Variants in PPP2R5B observed in about 807,000 individuals in gnomAD.
PPP2R5B encodes the protein protein phosphatase 2 regulatory subunit B'beta.
Under a neutral mutation model 59.9 loss-of-function variants are expected in PPP2R5B, and 19 were observed. The observed-to-expected ratio is 0.32, with a 90% CI of 0.22 to 0.47. The LOEUF is 0.47. PPP2R5B is among the 20% of genes least tolerant of loss of function. The pLI, the probability that PPP2R5B is intolerant of heterozygous loss-of-function variation, is 1.00. For synonymous variants in PPP2R5B, 286 were observed against 260.5 expected (o/e 1.10, Z -0.94); for missense variants, 441 against 640.2 (o/e 0.69, Z 3.36).
chr11:64,925,977 GA>G lies in PPP2R5B; in HGVS notation c.199+45del. On this transcript the variant is annotated intron_variant, in intron 2 of 13. Coordinates refer to ENST00000164133, the MANE Select transcript of PPP2R5B (RefSeq NM_006244.4). The surrounding 1 kb of genome is among the most constrained non-coding windows in gnomAD (Gnocchi z 4.6). ...ACTGGGGGAACCGAACCCCCGAGGG[GA>G]CCAGCAGGGCCATGGGGAGGGGTGG... The G allele has an allele frequency of 1.3e-6, 2 of 1,572,396 alleles. No homozygotes were observed. The highest frequency in any genetic ancestry group is 2.3e-5 in the South Asian group (2 of 87,774).
rs1189088677 is a variant in PPP2R5B at position 64,930,303 on chromosome 11, C to T, written c.723-19C>T. The T allele has an allele frequency of 6.2e-7, 1 of 1,613,834 alleles. No homozygotes were observed. The highest frequency in any genetic ancestry group is 1.1e-5 in the South Asian group (1 of 91,078). Reference sequence around the variant, plus strand: ...CCTACCCTGCTTGCTTTGAGCCCACCTGCGTTCTTCTCTTGCAGGTTCATC... The same window carrying T: ...CCTACCCTGCTTGCTTTGAGCCCACTTGCGTTCTTCTCTTGCAGGTTCATC... On this transcript the variant is annotated intron_variant, in intron 6 of 13. Coordinates refer to ENST00000164133, the MANE Select transcript of PPP2R5B (RefSeq NM_006244.4).
upstream of PPP2R5B, among the ~76,000 whole-genome samples, chr11:64,922,569 A>G (rs952653106): frequency 6.6e-6 from 1 of 151,906 alleles, no homozygotes. Context: ...TTCAAATGCC[A>G]CCACTTCAGA....
At chr11:64,922,190 A>AT (rs1565095522), upstream of PPP2R5B, among the ~76,000 whole-genome samples, 1,811 of 98,492 alleles carry the variant, frequency 0.018, 35 homozygotes, top group African/African-American at 0.054. Context: ...AAAAAAATAA[A>AT]AAAATAAAAT....
intron 3 of PPP2R5B, 149 bp from the exon 4 acceptor site, chr11:64,927,653 G>T: frequency 1.6e-6 from 1 of 637,108 alleles, no homozygotes; most frequent in Non-Finnish European, 2.7e-6. Context: ...GTTGCAGTGA[G>T]TCGAGATTGT....
rs1945213395 is a variant in PPP2R5B at position 64,930,210 on chromosome 11, G to C, written c.723-112G>C. 4 of 1,208,426 alleles carry C rather than the reference G, an allele frequency of 3.3e-6. No individual in the cohort carries two copies. The South Asian group carries it at 3.7e-5, about 11-fold the overall frequency. The allele number at this position is 1,208,426 out of a possible 1,614,324, so 74.9% of individuals were successfully genotyped here. ...GGAAGGGAGCGCAGCCTCTGGGTTG[G>C]GGGAGAGTTGGATGAGCGTGCCGTG... On this transcript the variant is annotated intron_variant, in intron 6 of 13. Transcript: ENST00000164133.
At chr11:64,932,285 C>A (rs1269674271) in intron 11 of PPP2R5B, among the ~76,000 whole-genome samples, 1 of 152,144 alleles carries the variant, frequency 6.6e-6, no homozygotes, top group Non-Finnish European at 1.5e-5. Context: ...CCAGGCTTCC[C>A]CGCACCAACC....
At chr11:64,932,960 C>G (rs1945243573) in intron 12 of PPP2R5B, 68 bp downstream of exon 12, 2 of 1,590,390 alleles carry the variant, frequency 1.3e-6, no homozygotes, top group Non-Finnish European at 1.7e-6. Context: ...GACCCGACCC[C>G]AGGGTTACTC....
Position 64,925,909 on chromosome 11 carries a change from C to T in PPP2R5B, c.175C>T (p.Leu59Phe), listed in dbSNP as rs764913889. The T allele has an allele frequency of 1.2e-6, 2 of 1,611,954 alleles. No individual in the cohort carries two copies. The highest frequency in any genetic ancestry group is 2.2e-5 in the East Asian group (1 of 44,880). ...CCGCTATCAGAGCAACCAGCAAGAG[C>T]TCACACCGCTGCCCCTGCTCAAAGG... ...QFRYQSNQQE[L>F]TPLPLLKDVP... Residue 59 changes from leucine to phenylalanine, a missense_variant, in exon 2 of 14, where the codon CTC becomes TTC. Transcript: ENST00000164133. The surrounding 1 kb of genome is among the most constrained non-coding windows in gnomAD (Gnocchi z 4.6).
chr11:64,922,848 C>T (rs1945122500), upstream of PPP2R5B: 1 of 150,946 alleles, frequency 6.6e-6, no homozygotes, highest in African/African-American at 2.4e-5. Flanking sequence ...GCACTCCAGC[C>T]TGGGCAACAG....
chr11:64,930,713 A>G (rs1945220199), intron 8 of PPP2R5B, 124 bp downstream of exon 8: 3 of 825,264 alleles, frequency 3.6e-6, no homozygotes, highest in Non-Finnish European at 1.9e-6. Context: ...ATTCTGTTCC[A>G]TCTACCTTAG....
Position 64,926,922 on chromosome 11 carries a change from AC to A in PPP2R5B, c.396+17del. Reference sequence around the variant, plus strand: ...ATCATCCGCATGGTGAGCACCTGCCACCCAGGCTCCGAGGGCCGGCCGAGAG... The same window carrying A: ...ATCATCCGCATGGTGAGCACCTGCCACCAGGCTCCGAGGGCCGGCCGAGAG... On this transcript the variant is annotated intron_variant, in intron 3 of 13. Transcript: ENST00000164133. The A allele has an allele frequency of 1.2e-6, 2 of 1,611,192 alleles. No homozygotes were observed. The highest frequency in any genetic ancestry group is 1.7e-6 in the Non-Finnish European group (2 of 1,178,310).
chr11:64,924,595 G>A (rs1194234827), upstream of PPP2R5B: 2 of 152,270 alleles, frequency 1.3e-5, no homozygotes, highest in Non-Finnish European at 1.5e-5. Flanking sequence ...TAAACGGCGC[G>A]GGGACTACAT....
upstream of PPP2R5B, among the ~76,000 whole-genome samples, chr11:64,922,409 T>C (rs1216219866): frequency 6.6e-6 from 1 of 151,624 alleles, no homozygotes; most frequent in Non-Finnish European, 1.5e-5. Context: ...TGCTTGGGCC[T>C]GGGAGGTGGA....
intron 13 of PPP2R5B, 121 bp downstream of exon 13, chr11:64,933,367 C>A: frequency 1.2e-6 from 1 of 854,384 alleles, no homozygotes; most frequent in South Asian, 1.5e-5. Flanking sequence ...GCAAGACTGT[C>A]CATGCTCCTG....
intron 6 of PPP2R5B, among the ~76,000 whole-genome samples, chr11:64,928,808 C>T (rs184579017): frequency 1.3e-4 from 20 of 152,200 alleles, no homozygotes; most frequent in African/African-American, 4.1e-4. Flanking sequence ...GGCGTGAACC[C>T]GGGAAGCGGA....
Position 64,931,318 on chromosome 11 carries a change from TA to T in PPP2R5B, c.892-116del. The T allele has an allele frequency of 8.9e-7, 1 of 1,117,394 alleles. No homozygotes were observed. The allele number at this position is 1,117,394 out of a possible 1,614,324, so 69.2% of individuals were successfully genotyped here. ...AGGCAGGTGATAAATGCTTGGTGAA[TA>T]AGAAAGTAACAGGCCGTGGGTGAGC... On this transcript the variant is annotated intron_variant, in intron 8 of 13. Coordinates refer to ENST00000164133, the MANE Select transcript of PPP2R5B (RefSeq NM_006244.4). The surrounding 1 kb of genome is among the most constrained non-coding windows in gnomAD (Gnocchi z 5.0).
intron 6 of PPP2R5B, 95 bp downstream of exon 6, chr11:64,928,520 T>C (rs1945193562): frequency 6.4e-7 from 1 of 1,560,628 alleles, no homozygotes; most frequent in East Asian, 2.3e-5. Context: ...CTCACACCTG[T>C]AATCCCAGCA....
chr11:64,925,999 G>A lies in PPP2R5B; in HGVS notation c.199+66G>A. 1 of 1,500,564 alleles carries A rather than the reference G, an allele frequency of 6.7e-7. No individual in the cohort carries two copies. The highest frequency in any genetic ancestry group is 1.4e-5 in the African/African-American group (1 of 71,916). The allele number at this position is 1,500,564 out of a possible 1,614,324, so 93.0% of individuals were successfully genotyped here. On this transcript the variant is annotated intron_variant, in intron 2 of 13. Coordinates refer to ENST00000164133, the MANE Select transcript of PPP2R5B (RefSeq NM_006244.4). The surrounding 1 kb of genome is among the most constrained non-coding windows in gnomAD (Gnocchi z 4.6). ...GGGGACCAGCAGGGCCATGGGGAGG[G>A]GTGGGAGGCAGCGGGCAGCTGCCAA...
Position 64,925,614 on chromosome 11 carries a change from G to GTC in PPP2R5B, c.-121_-120insTC. On this transcript the variant is annotated 5_prime_UTR_variant, in exon 2 of 14. Transcript: ENST00000164133. The surrounding 1 kb of genome is among the most constrained non-coding windows in gnomAD (Gnocchi z 4.6). ...GGGGGGGGCCCAGGACTGTGGTTGT[G>GTC]CCCCCCCCCCAAAGGCCGGACAGGA... is the stretch of plus-strand genomic sequence containing the variant. The GTC allele has an allele frequency of 4.4e-6, 2 of 450,336 alleles. No homozygotes were observed. Among genetic ancestry groups the GTC allele is most frequent in the South Asian group, 2.4e-5 (1 of 42,436 alleles). The allele number at this position is 450,336 out of a possible 1,614,324, so 27.9% of individuals were successfully genotyped here.
Sources: allele counts gnomAD v4.1 joint callset (sites outside exome capture counted in the v4.1 genomes callset), GRCh38; gene constraint gnomAD v4.1.1; non-coding constraint Gnocchi (gnomAD v3.1); transcripts MANE v1.5; gene names NCBI Gene and HGNC (gene_info 2026-07-23, HGNC 2026-07-21).